The following PHACTR3 variants were observed in gnomAD, a reference collection of about 807,000 sequenced individuals.
PHACTR3 encodes phosphatase and actin regulator 3, also known as protein phosphatase 1, regulatory subunit 123.
PHACTR3 carries 16 observed loss-of-function variants against 66.8 expected under a neutral mutation model. The ratio of observed to expected loss-of-function variants is 0.24; its 90% CI spans 0.16 to 0.36. PHACTR3 has a LOEUF of 0.36. PHACTR3 is among the 10% of genes least tolerant of loss of function. The pLI is 1.00. For synonymous variants in PHACTR3, 323 were observed against 292.1 expected (o/e 1.11, Z -1.08); for missense variants, 647 against 719.9 (o/e 0.90, Z 1.16).
intron 8 of PHACTR3, among the ~76,000 whole-genome samples, chr20:59,817,297 C>T (rs950116631): frequency 4.6e-5 from 7 of 152,204 alleles, no homozygotes; most frequent in African/African-American, 7.2e-5. Context: ...GGTCTGCATA[C>T]GCTTCTGGCG....
intron 1 of PHACTR3, among the ~76,000 whole-genome samples, chr20:59,697,012 G>A (rs1031656974): frequency 1.3e-5 from 2 of 152,158 alleles, no homozygotes; most frequent in African/African-American, 4.8e-5. Flanking sequence ...CCAAATATTT[G>A]GGCAGAGGGA....
intron 2 of PHACTR3, among the ~76,000 whole-genome samples, chr20:59,745,808 T>G (rs1219234447): frequency 6.6e-6 from 1 of 152,154 alleles, no homozygotes; most frequent in African/African-American, 2.4e-5. Context: ...TGTACCACCT[T>G]CACAAGCTGC....
At chr20:59,806,380 C>A (rs756775552) in intron 8 of PHACTR3, among the ~76,000 whole-genome samples, 186 bp downstream of exon 8, 1 of 152,192 alleles carries the variant, frequency 6.6e-6, no homozygotes, top group Admixed American at 6.5e-5. Flanking sequence ...GGGGCTGTCC[C>A]GTGCATGCTC....
At chr20:59,596,155 C>T (rs1409223359) in intron 1 of PHACTR3, among the ~76,000 whole-genome samples, 4 of 152,056 alleles carry the variant, frequency 2.6e-5, no homozygotes, top group African/African-American at 7.2e-5. Flanking sequence ...TTTCTTTTTT[C>T]GGACAGAGCT....
chr20:59,810,793 C>T (rs967968178), intron 8 of PHACTR3, among the ~76,000 whole-genome samples: 1 of 152,194 alleles, frequency 6.6e-6, no homozygotes, highest in African/African-American at 2.4e-5. Flanking sequence ...TGCTGATTTT[C>T]ACCCCTCTCT....
chr20:59,655,641 T>C (rs75779788), intron 1 of PHACTR3, among the ~76,000 whole-genome samples: 2,320 of 152,076 alleles, frequency 0.015, 49 homozygotes, highest in East Asian at 0.097. Context: ...TTCTATTCTC[T>C]ATTTCATTAA....
At chr20:59,629,378 G>A (rs4810175) in intron 1 of PHACTR3, among the ~76,000 whole-genome samples, 1 of 152,166 alleles carries the variant, frequency 6.6e-6, no homozygotes, top group Non-Finnish European at 1.5e-5. Context: ...TTCTCCCTCC[G>A]CTGTTCTGGC....
chr20:59,622,384 T>G (rs776568591), intron 1 of PHACTR3, among the ~76,000 whole-genome samples: 3 of 152,192 alleles, frequency 2.0e-5, no homozygotes, highest in Non-Finnish European at 4.4e-5. Flanking sequence ...TGCTAGTTCC[T>G]ACTCCTGGGG....
chr20:59,840,955 A>C (rs1568876251), intron 10 of PHACTR3, among the ~76,000 whole-genome samples: 1 of 152,238 alleles, frequency 6.6e-6, no homozygotes, highest in East Asian at 1.9e-4. Flanking sequence ...GACCATTTCT[A>C]AATTCAAGTG....
At chr20:59,804,306 C>G (rs1448924481) in intron 7 of PHACTR3, among the ~76,000 whole-genome samples, 6 of 152,204 alleles carry the variant, frequency 3.9e-5, no homozygotes, top group East Asian at 1.9e-4. Context: ...AAGAAGGGAA[C>G]TTTTTCTCGG....
intron 1 of PHACTR3, among the ~76,000 whole-genome samples, chr20:59,581,544 C>T (rs948810770): frequency 6.6e-6 from 1 of 152,188 alleles, no homozygotes. Context: ...CTAAGTTGAT[C>T]GCTCCGTTTT....
intron 1 of PHACTR3, among the ~76,000 whole-genome samples, chr20:59,740,546 C>T (rs2039115404): frequency 6.6e-6 from 1 of 151,294 alleles, no homozygotes; most frequent in African/African-American, 2.4e-5. Flanking sequence ...ATCCTCTAGC[C>T]TTGGCATCCC....
chr20:59,612,918 C>T (rs1463156816), intron 1 of PHACTR3, among the ~76,000 whole-genome samples: 1 of 152,166 alleles, frequency 6.6e-6, no homozygotes. Context: ...GCCAGCACAT[C>T]ACACAGTGAG....
intron 3 of PHACTR3, among the ~76,000 whole-genome samples, chr20:59,750,658 C>G (rs116831831): frequency 0.048 from 7,366 of 152,210 alleles, 253 homozygotes; most frequent in African/African-American, 0.097. Context: ...CTGCGGGAGC[C>G]TGGGGCGGCC....
intron 7 of PHACTR3, among the ~76,000 whole-genome samples, chr20:59,801,729 T>C (rs58364707): frequency 0.037 from 5,682 of 152,338 alleles, 370 homozygotes; most frequent in African/African-American, 0.13. Flanking sequence ...TCATCATATT[T>C]GTTTTTCTCC....
In PHACTR3 at chr20:59,847,267, G is replaced by A; in HGVS notation, c.*137G>A. 1 of 570,750 alleles carries A rather than the reference G, an allele frequency of 1.8e-6. No homozygotes were observed. Among genetic ancestry groups the A allele is most frequent in the East Asian group, 2.7e-5 (1 of 36,902 alleles). The allele number at this position is 570,750 out of a possible 1,614,324, so 35.4% of individuals were successfully genotyped here. A position where few individuals can be genotyped will look rare whatever the true frequency, so the allele number is the denominator to read the frequency against. ...GAGAAGAGTAGGATCACACACACAG[G>A]TGCAATCTTGACCACACTTACCTGC... is the stretch of plus-strand genomic sequence containing the variant. On this transcript the variant is annotated 3_prime_UTR_variant, in exon 13 of 13. Transcript: ENST00000371015.
At chr20:59,755,097 A>G in intron 3 of PHACTR3, 85 bp from the exon 4 acceptor site, 1 of 1,390,628 alleles carries the variant, frequency 7.2e-7, no homozygotes, top group Non-Finnish European at 9.9e-7. Context: ...CCTAGAATGG[A>G]TACTTCTCAG....
At chr20:59,813,292 T>G (rs918722271) in intron 8 of PHACTR3, among the ~76,000 whole-genome samples, 1 of 152,158 alleles carries the variant, frequency 6.6e-6, no homozygotes, top group African/African-American at 2.4e-5. Flanking sequence ...GCGCTGACGG[T>G]TTCTCTTGTC....
At chr20:59,785,440 C>A (rs2040870998) in intron 7 of PHACTR3, among the ~76,000 whole-genome samples, 1 of 152,154 alleles carries the variant, frequency 6.6e-6, no homozygotes, top group South Asian at 2.1e-4. Context: ...TGGGGCAGAG[C>A]GGTGGTACAC....
Sources: gnomAD v4.1 joint callset for allele counts (sites outside exome capture counted in the v4.1 genomes callset) on GRCh38, gnomAD v4.1.1 for gene constraint, MANE v1.5 for transcripts, NCBI Gene and HGNC (gene_info 2026-07-23, HGNC 2026-07-21) for gene names.